The following LRRTM4 variants were observed in gnomAD, a reference collection of about 807,000 sequenced individuals.
The protein encoded by LRRTM4 is leucine-rich repeat transmembrane neuronal protein 4.
A neutral mutation model predicts 47.6 loss-of-function variants in LRRTM4; 25 were observed. The ratio of observed to expected loss-of-function variants is 0.53; its 90% CI spans 0.38 to 0.73. The LOEUF (loss-of-function observed/expected upper bound fraction) is 0.73. LRRTM4 is among the 30% of genes least tolerant of loss of function. The pLI is 0.00. For missense variants in LRRTM4, 638 were observed against 713.4 expected (o/e 0.89, Z 1.20); for synonymous variants, 311 against 269.5 (o/e 1.15, Z -1.51).
At chr2:77,065,408 ATGCATGTCC>A (rs891668939) in intron 3 of LRRTM4, among the ~76,000 whole-genome samples, 1 of 152,210 alleles carries the variant, frequency 6.6e-6, no homozygotes, top group African/African-American at 2.4e-5. Flanking sequence ...TGTAAAATTA[ATGCATGTCC>A]TGCTCTTTAT....
intron 3 of LRRTM4, among the ~76,000 whole-genome samples, chr2:77,105,053 TA>T (rs1442710737): frequency 7.8e-6 from 1 of 127,476 alleles, no homozygotes; most frequent in Admixed American, 7.9e-5. Flanking sequence ...AAAATGAAAA[TA>T]AAAGAAAAAA....
intron 3 of LRRTM4, among the ~76,000 whole-genome samples, chr2:76,917,169 A>G (rs914814228): frequency 4.6e-5 from 7 of 152,178 alleles, no homozygotes; most frequent in African/African-American, 1.7e-4. Context: ...TTCTAGCATG[A>G]AAGTGGTCAT....
chr2:77,352,483 C>T (rs1205193801), intron 3 of LRRTM4, among the ~76,000 whole-genome samples: 1 of 152,124 alleles, frequency 6.6e-6, no homozygotes, highest in East Asian at 1.9e-4. Context: ...TTATACATGG[C>T]CCACCTTATT....
chr2:76,812,756 TCTCCTC>T lies in LRRTM4; in HGVS notation c.1552-63846_1552-63841del, dbSNP rs1162021384. 6.3e-5 allele frequency among the ~76,000 whole-genome samples: 5 copies of T among 78,756 alleles called. No homozygotes were observed. In the Admixed American group the frequency reaches 6.6e-4, roughly 10 times the overall value. 51.7% of individuals were successfully genotyped at this position (78,756 alleles called of 152,430 possible). On this transcript the variant is annotated intron_variant, in intron 3 of 3. Coordinates refer to ENST00000409884, the MANE Select transcript of LRRTM4 (RefSeq NM_001134745.3). ...TCCTCCTCCTCCTCCTCTCCCTCCTTCTCCTCCTCCTCTCCCTCCCCCTCCTCCTCT... is the reference window on the plus strand; with the variant it reads ...TCCTCCTCCTCCTCCTCTCCCTCCTTCTCCTCTCCCTCCCCCTCCTCCTCT...
chr2:76,797,617 A>ATTAAC (rs1255175976), intron 3 of LRRTM4, among the ~76,000 whole-genome samples: 1 of 151,704 alleles, frequency 6.6e-6, no homozygotes, highest in East Asian at 1.9e-4. Context: ...ACATAACAAT[A>ATTAAC]TTAACTTTAA....
At chr2:77,380,927 A>G (rs1673027923) in intron 3 of LRRTM4, among the ~76,000 whole-genome samples, 1 of 152,182 alleles carries the variant, frequency 6.6e-6, no homozygotes, top group Admixed American at 6.6e-5. Context: ...TTAGAAAACA[A>G]TATTTTAAAT....
intron 3 of LRRTM4, among the ~76,000 whole-genome samples, chr2:77,262,078 T>C (rs1457551666): frequency 6.6e-6 from 1 of 152,024 alleles, no homozygotes; most frequent in Admixed American, 6.6e-5. Flanking sequence ...AGGATCTAGG[T>C]TGCACACTCC....
intron 3 of LRRTM4, among the ~76,000 whole-genome samples, chr2:77,321,794 T>C (rs1455882358): frequency 2.0e-5 from 3 of 152,072 alleles, no homozygotes; most frequent in Non-Finnish European, 2.9e-5. Context: ...TTTTGAGATT[T>C]CAAAAATATG....
intron 3 of LRRTM4, among the ~76,000 whole-genome samples, chr2:77,409,224 T>C (rs76224169): frequency 4.6e-4 from 22 of 48,216 alleles, no homozygotes; most frequent in Non-Finnish European, 1.0e-3. Context: ...AGTCTTTTTT[T>C]TTGTCTTTGT....
chr2:77,188,170 A>T lies in LRRTM4; in HGVS notation c.1551+330148T>A, dbSNP rs1159497889. On this transcript the variant is annotated intron_variant, in intron 3 of 3. Coordinates refer to ENST00000409884, the MANE Select transcript of LRRTM4 (RefSeq NM_001134745.3). ...CAAAGGAAGCAAGTTGCTCTATCCT[A>T]TCAAAGACCAATATTTCTACATGTG... 2.6e-5 allele frequency among the ~76,000 whole-genome samples: 4 copies of T among 152,276 alleles called. No individual in the cohort carries two copies. In the East Asian group the frequency reaches 7.7e-4, roughly 29 times the overall value.
At chr2:77,480,808 G>GTT (rs1677649905) in intron 3 of LRRTM4, among the ~76,000 whole-genome samples, 2 of 133,252 alleles carry the variant, frequency 1.5e-5, no homozygotes, top group African/African-American at 2.9e-5. Flanking sequence ...GTGTGTGTGT[G>GTT]TGTGTGTGTG....
intron 3 of LRRTM4, among the ~76,000 whole-genome samples, chr2:76,815,733 A>C (rs955344114): frequency 6.6e-6 from 1 of 152,080 alleles, no homozygotes; most frequent in African/African-American, 2.4e-5. Flanking sequence ...AGCAGAGAAA[A>C]ACTGATTTTG....
intron 3 of LRRTM4, among the ~76,000 whole-genome samples, chr2:77,059,196 C>A (rs140117747): frequency 1.3e-5 from 2 of 152,236 alleles, no homozygotes; most frequent in Admixed American, 1.3e-4. Context: ...ATACTAACAA[C>A]CTGAAAGAAT....
At position 77,149,389 on chromosome 2, in the gene LRRTM4, A is replaced by G. The variant is rs1428007628; in HGVS notation, c.1551+368929T>C. 2.6e-5 allele frequency among the ~76,000 whole-genome samples: 4 copies of G among 152,152 alleles called. No individual in the cohort carries two copies. The East Asian group carries it at 7.7e-4, about 29-fold the overall frequency. On this transcript the variant is annotated intron_variant, in intron 3 of 3. Coordinates refer to ENST00000409884, the MANE Select transcript of LRRTM4 (RefSeq NM_001134745.3). Reference sequence around the variant, plus strand: ...GTGGCTCATATTTATGTCTCCCATTATACTTCTATTGGACAGCATTCATCT... The same window carrying G: ...GTGGCTCATATTTATGTCTCCCATTGTACTTCTATTGGACAGCATTCATCT...
chr2:77,127,968 C>T (rs1671692324), intron 3 of LRRTM4, among the ~76,000 whole-genome samples: 1 of 152,014 alleles, frequency 6.6e-6, no homozygotes, highest in South Asian at 2.1e-4. Context: ...CATGGTGAAA[C>T]CCTGTCTCTA....
In LRRTM4 at chr2:77,351,103, A is replaced by G. The variant is rs547012939; in HGVS notation, c.1551+167215T>C. 4.6e-5 allele frequency among the ~76,000 whole-genome samples: 7 copies of G among 152,100 alleles called. No homozygotes were observed. In the South Asian group the frequency reaches 1.2e-3, roughly 27 times the overall value. On this transcript the variant is annotated intron_variant, in intron 3 of 3. Coordinates refer to ENST00000409884, the MANE Select transcript of LRRTM4 (RefSeq NM_001134745.3). ...TATGCTCATGTAGGCTCCAGTGCCTATTGTTCCTCTCTATGTGCTCACGTG... is the reference window on the plus strand; with the variant it reads ...TATGCTCATGTAGGCTCCAGTGCCTGTTGTTCCTCTCTATGTGCTCACGTG...
At chr2:77,463,054 G>A (rs1261868594) in intron 3 of LRRTM4, among the ~76,000 whole-genome samples, 2 of 151,994 alleles carry the variant, frequency 1.3e-5, no homozygotes, top group East Asian at 3.9e-4. Context: ...TACATTCTGA[G>A]AAATATATTG....
intron 3 of LRRTM4, among the ~76,000 whole-genome samples, chr2:76,917,172 G>T (rs1166803424): frequency 6.6e-6 from 1 of 152,178 alleles, no homozygotes; most frequent in Non-Finnish European, 1.5e-5. Flanking sequence ...TAGCATGAAA[G>T]TGGTCATAAA....
chr2:76,891,075 A>T (rs556090781), intron 3 of LRRTM4, among the ~76,000 whole-genome samples: 1 of 152,018 alleles, frequency 6.6e-6, no homozygotes, highest in South Asian at 2.1e-4. Context: ...CCACTTCAGA[A>T]AAAGAGGAAG....
Sources: allele counts gnomAD v4.1 joint callset (sites outside exome capture counted in the v4.1 genomes callset), GRCh38; gene constraint gnomAD v4.1.1; transcripts MANE v1.5; gene names NCBI Gene and HGNC (gene_info 2026-07-23, HGNC 2026-07-21).